The following SLC44A1 variants were observed in gnomAD, a reference collection of about 807,000 sequenced individuals.
SLC44A1 encodes the protein choline transporter-like protein 1.
SLC44A1 carries 26 observed loss-of-function variants against 79.3 expected under a neutral mutation model. The observed-to-expected ratio is 0.33, with a 90% confidence interval of 0.24 to 0.46. SLC44A1 has a LOEUF of 0.46. Ranked by LOEUF, SLC44A1 falls within the 20% of genes least tolerant of loss-of-function variation. SLC44A1 has a pLI of 1.00. For synonymous variants in SLC44A1, 263 were observed against 286.2 expected (o/e 0.92, Z 0.82); for missense variants, 688 against 798.1 (o/e 0.86, Z 1.66).
intron 1 of SLC44A1, among the ~76,000 whole-genome samples, chr9:105,254,282 G>A (rs551612160): frequency 2.1e-4 from 32 of 152,162 alleles, no homozygotes; most frequent in African/African-American, 6.7e-4. Context: ...TCTTCTTACC[G>A]TCTTTTGCTG....
chr9:105,284,823 C>G (rs940911124), intron 1 of SLC44A1, among the ~76,000 whole-genome samples: 1 of 152,094 alleles, frequency 6.6e-6, no homozygotes, highest in African/African-American at 2.4e-5. Flanking sequence ...ATATACCATA[C>G]AAAATGATTT....
intron 13 of SLC44A1, among the ~76,000 whole-genome samples, chr9:105,382,192 C>T (rs960397887): frequency 6.6e-6 from 1 of 151,826 alleles, no homozygotes; most frequent in East Asian, 1.9e-4. Context: ...TTTTTCTACT[C>T]AGGTCGGGTG....
intron 1 of SLC44A1, among the ~76,000 whole-genome samples, chr9:105,273,422 G>A (rs1830122879): frequency 6.6e-6 from 1 of 152,218 alleles, no homozygotes; most frequent in African/African-American, 2.4e-5. Context: ...CATGTAGACT[G>A]TGGAGATGAA....
rs371666305 is a variant in SLC44A1, at chr9:105,434,112, C to T, written c.1951-4169C>T. ...CAGCACTTTGGGAGGCCAAGGCGGA[C>T]GGAACATTTGAGTTTAGGAGTTTGA... On this transcript the variant is annotated intron_variant, in intron 15 of 15. Coordinates refer to the SLC44A1 transcript ENST00000374724. Among the ~76,000 whole-genome samples, 328 of 152,176 alleles carry T rather than the reference C, an allele frequency of 2.2e-3. 3 individuals carry two copies. The highest frequency in any genetic ancestry group is 7.5e-3 in the African/African-American group (310 of 41,508).
At chr9:105,335,454 C>T (rs1826883930) in intron 3 of SLC44A1, 109 bp from the exon 4 acceptor site, 6 of 727,544 alleles carry the variant, frequency 8.2e-6, no homozygotes, top group African/African-American at 1.8e-5. Context: ...AGATTTTTAT[C>T]GTGGAGGAAT....
chr9:105,302,477 T>C (rs1482287281), intron 2 of SLC44A1, among the ~76,000 whole-genome samples: 1 of 151,864 alleles, frequency 6.6e-6, no homozygotes, highest in Non-Finnish European at 1.5e-5. Context: ...CTCGGCCTCC[T>C]GAGTAGCTGA....
At chr9:105,312,001 G>C (rs944676262) in intron 3 of SLC44A1, among the ~76,000 whole-genome samples, 1 of 152,016 alleles carries the variant, frequency 6.6e-6, no homozygotes, top group Non-Finnish European at 1.5e-5. Context: ...GTAGGCCCTT[G>C]TGTAGCTATA....
chr9:105,261,785 T>C (rs1829846273), intron 1 of SLC44A1, among the ~76,000 whole-genome samples: 1 of 147,588 alleles, frequency 6.8e-6, no homozygotes, highest in African/African-American at 2.5e-5. Flanking sequence ...CTTTTTTTTT[T>C]TTTTTTTTTT....
chr9:105,411,129 G>A (rs191369992), intron 15 of SLC44A1, among the ~76,000 whole-genome samples: 2 of 152,226 alleles, frequency 1.3e-5, no homozygotes, highest in Admixed American at 1.3e-4. Context: ...AAACTTTGTG[G>A]ATGAACTAAA....
Position 105,390,062 on chromosome 9 carries a change from G to A in SLC44A1, c.*1006G>A, listed in dbSNP as rs1213685801. 1.6e-6 allele frequency: 2 copies of A among 1,280,446 alleles called. No homozygotes were observed. Among genetic ancestry groups the A allele is most frequent in the Admixed American group, 8.0e-5 (2 of 25,016 alleles). 79.3% of individuals were successfully genotyped at this position (1,280,446 alleles called of 1,614,324 possible). A position where few individuals can be genotyped will look rare whatever the true frequency, so the allele number is the denominator to read the frequency against. ...TTGCTATACAATCTGAAAACACACTGGCAGGTGCTCCTCTCCTTGGCAATT... is the reference window on the plus strand; with the variant it reads ...TTGCTATACAATCTGAAAACACACTAGCAGGTGCTCCTCTCCTTGGCAATT... On this transcript the variant is annotated 3_prime_UTR_variant, in exon 16 of 16. Transcript: ENST00000374720.
intron 1 of SLC44A1, among the ~76,000 whole-genome samples, chr9:105,280,905 T>C (rs1830335275): frequency 6.6e-6 from 1 of 152,250 alleles, no homozygotes; most frequent in African/African-American, 2.4e-5. Flanking sequence ...TTGTCTCTCA[T>C]GAGCTGGTGT....
At chr9:105,406,904 T>C (rs1336190218) in intron 15 of SLC44A1, among the ~76,000 whole-genome samples, 2 of 151,994 alleles carry the variant, frequency 1.3e-5, no homozygotes, top group African/African-American at 2.4e-5. Context: ...TTTTACCTAA[T>C]AGAAGACATC....
chr9:105,358,562 C>G, intron 7 of SLC44A1, 129 bp downstream of exon 7: 1 of 629,202 alleles, frequency 1.6e-6, no homozygotes, highest in Non-Finnish European at 2.8e-6. Context: ...TAATTTTTGC[C>G]TTAAAATTTC....
At chr9:105,385,566 G>C in intron 15 of SLC44A1, 64 bp downstream of exon 15, 2 of 1,544,492 alleles carry the variant, frequency 1.3e-6, no homozygotes, top group Non-Finnish European at 8.7e-7. Context: ...CTCTCTCTCT[G>C]TCTTCACTGA....
In SLC44A1 at chr9:105,330,302, CT is replaced by C. The variant is rs1476287838; in HGVS notation, c.270-5258del. On this transcript the variant is annotated intron_variant, in intron 3 of 15. Coordinates refer to ENST00000374720, the MANE Select transcript of SLC44A1 (RefSeq NM_080546.5). ...TCACTTTCCTTTGCATTTATTCTCA[CT>C]TTACAGTTTGAACTGGAAAGTTAGG... is the stretch of plus-strand genomic sequence containing the variant. Among the ~76,000 whole-genome samples, 4 of 152,298 alleles carry C rather than the reference CT, an allele frequency of 2.6e-5. No homozygotes were observed. In the East Asian group the frequency reaches 7.7e-4, roughly 29 times the overall value.
At chr9:105,400,103 G>C (rs1218016630), downstream of SLC44A1, among the ~76,000 whole-genome samples, 1 of 152,180 alleles carries the variant, frequency 6.6e-6, no homozygotes, top group Non-Finnish European at 1.5e-5. Context: ...GCTGAGGCAG[G>C]AGAATTGCTT....
At chr9:105,376,719 A>C (rs1351379363) in intron 13 of SLC44A1, among the ~76,000 whole-genome samples, 4 of 152,186 alleles carry the variant, frequency 2.6e-5, no homozygotes, top group Non-Finnish European at 5.9e-5. Context: ...AATAAGGGAG[A>C]TACTAAAAGT....
chr9:105,435,496 G>A (rs1440062094), intron 15 of SLC44A1, among the ~76,000 whole-genome samples: 1 of 152,172 alleles, frequency 6.6e-6, no homozygotes. Context: ...TCATGAGGTG[G>A]GGGGAGGTCA....
At chr9:105,436,259 T>C (rs1829462903) in intron 15 of SLC44A1, among the ~76,000 whole-genome samples, 1 of 152,200 alleles carries the variant, frequency 6.6e-6, no homozygotes, top group Non-Finnish European at 1.5e-5. Flanking sequence ...ACTTTTATCT[T>C]AACATCAGAC....
Sources: gnomAD v4.1 joint callset for allele counts (sites outside exome capture counted in the v4.1 genomes callset) on GRCh38, gnomAD v4.1.1 for gene constraint, MANE v1.5 for transcripts, NCBI Gene and HGNC (gene_info 2026-07-23, HGNC 2026-07-21) for gene names.